Variants in INPP5D observed in about 807,000 individuals in gnomAD.
INPP5D encodes phosphatidylinositol 3,4,5-trisphosphate 5-phosphatase 1.
In INPP5D, 33 loss-of-function variants were observed where a neutral mutation model predicts 122.9. The observed-to-expected ratio is 0.27, with a 90% confidence interval of 0.20 to 0.36. INPP5D has a LOEUF of 0.36. Ranked by LOEUF, INPP5D falls within the 10% of genes least tolerant of loss-of-function variation. The pLI is 1.00. For synonymous variants in INPP5D, 584 were observed against 576.2 expected, an observed-to-expected ratio of 1.01 and a Z score of -0.19; for missense variants, 1,053 against 1,412.7, an observed-to-expected ratio of 0.75 and a Z score of 4.08.
chr2:233,061,828 TGCTCCCAGTCCA>T (rs1691083309), intron 1 of INPP5D, among the ~76,000 whole-genome samples: 3 of 152,214 alleles, frequency 2.0e-5, no homozygotes, highest in Admixed American at 6.5e-5. Context: ...CAACCTCTCC[TGCTCCCAGTCCA>T]GCGGGGCAGG....
chr2:233,120,140 A>G (rs1014979748), intron 2 of INPP5D, among the ~76,000 whole-genome samples: 4 of 152,184 alleles, frequency 2.6e-5, no homozygotes, highest in Non-Finnish European at 2.9e-5. Context: ...GAGCAGTGAG[A>G]TCCTTGACTT....
At chr2:233,063,519 G>T (rs1412222397) in intron 1 of INPP5D, among the ~76,000 whole-genome samples, 1 of 152,256 alleles carries the variant, frequency 6.6e-6, no homozygotes, top group East Asian at 1.9e-4. Flanking sequence ...TTGAGCGGGG[G>T]TTGGACATCA....
intron 1 of INPP5D, among the ~76,000 whole-genome samples, chr2:233,071,355 C>T (rs902066622): frequency 6.6e-6 from 1 of 151,940 alleles, no homozygotes; most frequent in Non-Finnish European, 1.5e-5. Flanking sequence ...CCCAAAACCT[C>T]TTACTGAATA....
rs144840675 is a variant in INPP5D, at chr2:233,204,981, G to T, written c.3567+264G>T. 4.6e-4 allele frequency: 217 copies of T among 470,738 alleles called. 1 individual carries two copies. The highest frequency in any genetic ancestry group is 3.9e-3 in the African/African-American group (194 of 49,116). 29.2% of individuals were successfully genotyped at this position (470,738 alleles called of 1,614,324 possible). ...TTGCCTCTGCAGCAGTTGTTAAAAG[G>T]AAGAAAGGCGGGGCTGTGGATAAAC... On this transcript the variant is annotated intron_variant, in intron 26 of 26. Coordinates refer to ENST00000445964, the MANE Select transcript of INPP5D (RefSeq NM_001017915.3).
chr2:233,137,079 AAT>A (rs1693482906), intron 5 of INPP5D, among the ~76,000 whole-genome samples: 2 of 152,232 alleles, frequency 1.3e-5, no homozygotes, highest in African/African-American at 4.8e-5. Context: ...CTTCAAGAAA[AAT>A]ATGATTTAAA....
chr2:233,097,177 C>T lies in INPP5D; in HGVS notation c.198+17779C>T, dbSNP rs184583020. ...CCCATAGTCCTAATCTGATTTGAAA[C>T]GCCTCCTCCTGTTCCATTGATAGAT... On this transcript the variant is annotated intron_variant, in intron 2 of 26. Coordinates refer to ENST00000445964, the MANE Select transcript of INPP5D (RefSeq NM_001017915.3). Among the ~76,000 whole-genome samples the T allele has an allele frequency of 3.9e-4, 60 of 152,258 alleles. 3 individuals are homozygous for T. The highest frequency in any genetic ancestry group is 2.5e-3 in the East Asian group (13 of 5,188).
intron 2 of INPP5D, among the ~76,000 whole-genome samples, chr2:233,106,552 A>G (rs1349687505): frequency 2.0e-5 from 3 of 152,242 alleles, no homozygotes; most frequent in Non-Finnish European, 4.4e-5. Context: ...GCAAGGTGCT[A>G]CAAGGACGTG....
intron 13 of INPP5D, chr2:233,168,936 C>T (rs1694416632): frequency 4.0e-6 from 1 of 248,820 alleles, no homozygotes; most frequent in Non-Finnish European, 8.0e-6. Flanking sequence ...TTTGGTCTCC[C>T]CAGGAAACTT....
In INPP5D at chr2:233,163,719, C is replaced by A; in HGVS notation, c.1253C>A (p.Pro418His). Reference protein sequence around the residue: ...IGTWNMGNAPPPKKITSWFLS... With the variant: ...IGTWNMGNAPHPKKITSWFLS... ...TTTGCTGTTGAAGGTAACGCCCCCC[C>A]TCCCAAGAAGATCACGTCCTGGTTT... Residue 418 changes from proline to histidine, a missense_variant, in exon 12 of 27, where the codon CCT (proline) becomes CAT (histidine). Physicochemically the swap from Pro to His is moderately conservative, Grantham distance 77. Around this residue, in one of 6 missense-constraint regions of INPP5D, gnomAD observed 105 missense variants for 199.8 expected, o/e 0.53. Transcript: ENST00000445964. The A allele has an allele frequency of 6.2e-7, 1 of 1,613,910 alleles. No individual in the cohort carries two copies. The highest frequency in any genetic ancestry group is 8.5e-7 in the Non-Finnish European group (1 of 1,179,860).
At chr2:233,158,997 G>A (rs568349700) in intron 10 of INPP5D, among the ~76,000 whole-genome samples, 13 of 152,186 alleles carry the variant, frequency 8.5e-5, no homozygotes, top group African/African-American at 2.9e-4. Context: ...TCCCAGGCTG[G>A]TCTCGAACTC....
chr2:233,061,806 C>T (rs1691082217), intron 1 of INPP5D, among the ~76,000 whole-genome samples: 1 of 152,256 alleles, frequency 6.6e-6, no homozygotes, highest in East Asian at 1.9e-4. Flanking sequence ...CTGAGACCAG[C>T]AGCCTGTGGC....
chr2:233,094,509 TC>T (rs1491303379), intron 2 of INPP5D, among the ~76,000 whole-genome samples: 1 of 2,966 alleles, frequency 3.4e-4, no homozygotes, highest in Non-Finnish European at 4.9e-4. Flanking sequence ...CAAGACTCCA[TC>T]CCAAAAAAAA....
In INPP5D at chr2:233,100,601, GCTCACCCAGAGCTCT is replaced by G. The variant is rs1465580713; in HGVS notation, c.198+21207_198+21221del. Among the ~76,000 whole-genome samples the G allele has an allele frequency of 6.6e-6, 1 of 152,170 alleles. No homozygotes were observed. The highest frequency in any genetic ancestry group is 1.5e-5 in the Non-Finnish European group (1 of 68,032). On this transcript the variant is annotated intron_variant, in intron 2 of 26. Coordinates refer to ENST00000445964, the MANE Select transcript of INPP5D (RefSeq NM_001017915.3). The surrounding 1 kb of genome is among the most constrained non-coding windows in gnomAD (Gnocchi z 5.3). ...CTCATGGGCACCCCCGGTTGAGCTC[GCTCACCCAGAGCTCT>G]CTCTCTTCCCTGGGATGAGGCTTGG...
chr2:233,170,423 C>T lies in INPP5D; in HGVS notation c.1792-73C>T, dbSNP rs1016383437. The T allele has an allele frequency of 2.9e-5, 47 of 1,596,866 alleles. No individual in the cohort carries two copies. In the South Asian group the frequency reaches 3.4e-4, roughly 11 times the overall value. The stretch of plus-strand genomic sequence containing the variant: ...AGCCCGGGTCATCCAGCTGCCCGCC[C>T]CCAGCCCCGAAGCTTGTCAGGCCTG... On this transcript the variant is annotated intron_variant, in intron 15 of 26. Transcript: ENST00000445964. This position sits in a 1 kb window ranked among gnomAD's most constrained non-coding sequence, Gnocchi z 4.5.
intron 2 of INPP5D, among the ~76,000 whole-genome samples, chr2:233,090,318 C>G (rs914480995): frequency 1.2e-4 from 19 of 152,310 alleles, no homozygotes; most frequent in African/African-American, 4.3e-4. Context: ...TTAATCCATA[C>G]ATGAGCAGTT....
chr2:233,121,121 C>CTTTTTTTTTTTCTTTTTT (rs1559302919), intron 2 of INPP5D, among the ~76,000 whole-genome samples: 1 of 117,650 alleles, frequency 8.5e-6, no homozygotes, highest in African/African-American at 3.1e-5. Flanking sequence ...TTCTTTCTTT[C>CTTTTTTTTTTTCTTTTTT]TTTTTTTTTT....
chr2:233,121,124 T>C (rs1692960171), intron 2 of INPP5D, among the ~76,000 whole-genome samples: 2 of 144,718 alleles, frequency 1.4e-5, no homozygotes, highest in Admixed American at 7.0e-5. Context: ...TTTCTTTCTT[T>C]TTTTTTTTTC....
At chr2:233,152,248 G>A (rs754042410) in intron 9 of INPP5D, among the ~76,000 whole-genome samples, 5 of 152,188 alleles carry the variant, frequency 3.3e-5, no homozygotes, top group Admixed American at 6.5e-5. Flanking sequence ...ATGACAGAGC[G>A]GTGCTCGCCT....
intron 21 of INPP5D, among the ~76,000 whole-genome samples, chr2:233,187,309 T>C (rs779076429): frequency 3.3e-5 from 5 of 152,056 alleles, no homozygotes; most frequent in Non-Finnish European, 7.4e-5. Context: ...GGGTGGGAAG[T>C]GGAGTTTCTT....
Sources: allele counts gnomAD v4.1 joint callset (sites outside exome capture counted in the v4.1 genomes callset), GRCh38; gene constraint gnomAD v4.1.1; regional missense constraint gnomAD v4.1.1; non-coding constraint Gnocchi (gnomAD v3.1); transcripts MANE v1.5; gene names NCBI Gene and HGNC (gene_info 2026-07-23, HGNC 2026-07-21).